The following ADD1 variants were observed in gnomAD, a reference collection of about 807,000 sequenced individuals.
ADD1 encodes alpha-adducin.
In ADD1, 24 loss-of-function variants were observed where a neutral mutation model predicts 80.5. That is an observed-to-expected ratio of 0.30 (90% CI 0.22 to 0.42). The LOEUF (loss-of-function observed/expected upper bound fraction) is 0.42, where lower values mean the gene tolerates loss of function less well. ADD1 is among the 10% of genes least tolerant of loss of function. The pLI is 1.00. For missense variants in ADD1, 948 were observed against 1,019.0 expected (o/e 0.93, Z 0.95); for synonymous variants, 373 against 393.8 (o/e 0.95, Z 0.63).
rs1361269017 is a variant in ADD1, at chr4:2,850,239, T to C, written c.-21+6215T>C. Among the ~76,000 whole-genome samples the C allele has an allele frequency of 6.6e-5, 10 of 152,250 alleles. No individual in the cohort carries two copies. In the East Asian group the frequency reaches 1.3e-3, roughly 20 times the overall value. ...ACCATGTGCTTCATGATTTTACTTA[T>C]GTGAAATGTCTTCAATAGGCAAATC... On this transcript the variant is annotated intron_variant, in intron 1 of 15. Transcript: ENST00000683351.
At chr4:2,855,277 A>G (rs1352507969) in intron 1 of ADD1, among the ~76,000 whole-genome samples, 1 of 152,086 alleles carries the variant, frequency 6.6e-6, no homozygotes, top group East Asian at 1.9e-4. Flanking sequence ...AGTTACCTGT[A>G]ATTTCTGTCT....
chr4:2,873,662 T>A (rs76166421), intron 1 of ADD1, among the ~76,000 whole-genome samples: 2,809 of 152,326 alleles, frequency 0.018, 60 homozygotes, highest in African/African-American at 0.046. Flanking sequence ...TCATATCCTT[T>A]TTTACCGATG....
At chr4:2,925,106 T>G (rs1740748629) in intron 14 of ADD1, among the ~76,000 whole-genome samples, 1 of 152,158 alleles carries the variant, frequency 6.6e-6, no homozygotes, top group Non-Finnish European at 1.5e-5. Context: ...TGGCATGGGC[T>G]GAGGGGAGAA....
chr4:2,923,654 G>C (rs752312842), intron 14 of ADD1, among the ~76,000 whole-genome samples: 6 of 152,230 alleles, frequency 3.9e-5, no homozygotes, highest in African/African-American at 1.4e-4. Flanking sequence ...AAGCTTCACC[G>C]GGGAGAGACC....
In ADD1 at chr4:2,909,446, G is replaced by A; in HGVS notation, c.1791+15G>A. On this transcript the variant is annotated intron_variant, in intron 13 of 15. Coordinates refer to ENST00000683351, the MANE Select transcript of ADD1 (RefSeq NM_001354761.2). ...CTTTTAGAAAGGTACTCACTGCCCT[G>A]TCCTCACTACCTGTCTATGCGCCTT... 1 of 1,538,250 alleles carries A rather than the reference G, an allele frequency of 6.5e-7. No individual in the cohort carries two copies. Among genetic ancestry groups the A allele is most frequent in the Non-Finnish European group, 8.8e-7 (1 of 1,135,924 alleles).
At chr4:2,855,797 C>A (rs1284281708) in intron 1 of ADD1, among the ~76,000 whole-genome samples, 1 of 151,590 alleles carries the variant, frequency 6.6e-6, no homozygotes. Context: ...ACCTCCTGAG[C>A]TTTAGTGATC....
chr4:2,844,894 A>G (rs1463088374), intron 1 of ADD1: 1 of 152,206 alleles, frequency 6.6e-6, no homozygotes, highest in Non-Finnish European at 1.5e-5. Flanking sequence ...GGGGATAGGA[A>G]ATAGAATGCT....
In ADD1 at chr4:2,928,707, C is replaced by G; in HGVS notation, c.*184C>G. The G allele has an allele frequency of 6.8e-6, 4 of 587,928 alleles. No homozygotes were observed. The allele number at this position is 587,928 out of a possible 1,614,324, so 36.4% of individuals were successfully genotyped here. ...CCCAGTGTGTGCTCAGCAGCCCCAC[C>G]CCACCCTGCCCCTTGTCCTCTCAGA... is the stretch of plus-strand genomic sequence containing the variant. On this transcript the variant is annotated 3_prime_UTR_variant, in exon 16 of 16. Transcript: ENST00000683351.
chr4:2,924,401 A>C (rs1740610990), intron 14 of ADD1, among the ~76,000 whole-genome samples: 1 of 152,170 alleles, frequency 6.6e-6, no homozygotes, highest in African/African-American at 2.4e-5. Context: ...GCTGGCACCA[A>C]GAAGAACCAG....
chr4:2,896,215 GT>G (rs113594377), intron 6 of ADD1, among the ~76,000 whole-genome samples: 3 of 144,230 alleles, frequency 2.1e-5, no homozygotes, highest in African/African-American at 2.5e-5. Context: ...ATTGATCTTG[GT>G]TTTTTTTTTG....
At chr4:2,851,377 A>T (rs986058461) in intron 1 of ADD1, among the ~76,000 whole-genome samples, 2 of 152,226 alleles carry the variant, frequency 1.3e-5, no homozygotes, top group African/African-American at 4.8e-5. Flanking sequence ...TGCTTACAGT[A>T]TGTGAGGATT....
chr4:2,928,941 C>CA lies in ADD1; in HGVS notation c.*419dup, dbSNP rs1712498508. Reference sequence around the variant, plus strand: ...ACCCTAAAGTCTCAGGTGACGGACTCAGACTCCTGGCTTCATGTGGCATTC... The same window carrying CA: ...ACCCTAAAGTCTCAGGTGACGGACTCAAGACTCCTGGCTTCATGTGGCATTC... On this transcript the variant is annotated 3_prime_UTR_variant, in exon 16 of 16. Transcript: ENST00000683351. 5.2e-6 allele frequency: 1 copy of CA among 191,372 alleles called. No homozygotes were observed. The highest frequency in any genetic ancestry group is 2.4e-5 in the African/African-American group (1 of 41,928). 11.9% of individuals were successfully genotyped at this position (191,372 alleles called of 1,614,324 possible). A position where few individuals can be genotyped will look rare whatever the true frequency, so the allele number is the denominator to read the frequency against.
At chr4:2,902,753 G>C (rs764173548) in intron 9 of ADD1, 2 of 151,266 alleles carry the variant, frequency 1.3e-5, no homozygotes, top group Non-Finnish European at 2.9e-5. Context: ...GAGGCCGGGC[G>C]TGGTGGCTCA....
In ADD1 at chr4:2,852,036, C is replaced by G. The variant is rs562133116; in HGVS notation, c.-21+8012C>G. Among the ~76,000 whole-genome samples, 174 of 151,946 alleles carry G rather than the reference C, an allele frequency of 1.1e-3. 2 individuals carry two copies. The highest frequency in any genetic ancestry group is 6.0e-4 in the African/African-American group (25 of 41,464). ...GTATTTTTAGTAGAGACGGGGTTTC[C>G]CCATGTTGAGGCTGGTCTCGAACTC... On this transcript the variant is annotated intron_variant, in intron 1 of 15. Transcript: ENST00000683351.
intron 10 of ADD1, chr4:2,905,324 GC>G (rs1736862638): frequency 3.4e-6 from 2 of 584,138 alleles, no homozygotes; most frequent in Non-Finnish European, 6.1e-6. Flanking sequence ...ATGTAACTCC[GC>G]AGTAGTTCCA....
chr4:2,926,426 A>T lies in ADD1; in HGVS notation c.2047+314A>T, dbSNP rs1711638421. On this transcript the variant is annotated intron_variant, in intron 15 of 15. Coordinates refer to ENST00000683351, the MANE Select transcript of ADD1 (RefSeq NM_001354761.2). The surrounding 1 kb of genome is among the most constrained non-coding windows in gnomAD (Gnocchi z 5.0). ...GTTGTCATGCAGATGCCACCTTCGGAGGTGCCCTCCGCTGTGTGAGCCACA... is the reference window on the plus strand; with the variant it reads ...GTTGTCATGCAGATGCCACCTTCGGTGGTGCCCTCCGCTGTGTGAGCCACA... 4.3e-6 allele frequency: 3 copies of T among 692,880 alleles called. No individual in the cohort carries two copies. Among genetic ancestry groups the T allele is most frequent in the Non-Finnish European group, 7.9e-6 (3 of 381,344 alleles). 42.9% of individuals were successfully genotyped at this position (692,880 alleles called of 1,614,324 possible). A position where few individuals can be genotyped will look rare whatever the true frequency, so the allele number is the denominator to read the frequency against.
At chr4:2,899,551 T>C in intron 9 of ADD1, 116 bp downstream of exon 9, 5 of 1,149,008 alleles carry the variant, frequency 4.4e-6, no homozygotes, top group Non-Finnish European at 6.4e-6. Flanking sequence ...ACCTTCACCT[T>C]CAAAGTCATG....
Position 2,898,721 on chromosome 4 carries a change from C to G in ADD1, c.984+190C>G, listed in dbSNP as rs1261595399. On this transcript the variant is annotated intron_variant, in intron 8 of 15. Coordinates refer to ENST00000683351, the MANE Select transcript of ADD1 (RefSeq NM_001354761.2). ...ACTGATTGAAGTTGGCAAAGGATTA[C>G]TGGGCTTTTCATTTCTAATTTTTAA... The G allele has an allele frequency of 9.9e-6, 6 of 603,470 alleles. No individual in the cohort carries two copies. In the Admixed American group the frequency reaches 1.5e-4, roughly 15 times the overall value. 37.4% of individuals were successfully genotyped at this position (603,470 alleles called of 1,614,324 possible). A position where few individuals can be genotyped will look rare whatever the true frequency, so the allele number is the denominator to read the frequency against.
intron 14 of ADD1, among the ~76,000 whole-genome samples, chr4:2,917,501 GTT>G (rs1478278763): frequency 2.0e-5 from 3 of 152,126 alleles, no homozygotes; most frequent in Non-Finnish European, 4.4e-5. Context: ...TCTGATGATA[GTT>G]TCTTCTGGTG....
Sources: gnomAD v4.1 joint callset for allele counts (sites outside exome capture counted in the v4.1 genomes callset) on GRCh38, gnomAD v4.1.1 for gene constraint, Gnocchi (gnomAD v3.1) non-coding constraint, MANE v1.5 for transcripts, NCBI Gene and HGNC (gene_info 2026-07-23, HGNC 2026-07-21) for gene names.